Variants in SH3BGR observed in about 807,000 individuals in gnomAD.
SH3BGR encodes the protein SH3 domain-binding glutamic acid-rich protein.
A neutral mutation model predicts 24.5 loss-of-function variants in SH3BGR; 29 were observed. The ratio of observed to expected loss-of-function variants is 1.18; its 90% CI spans 0.88 to 1.61. The LOEUF (loss-of-function observed/expected upper bound fraction) is 1.61. SH3BGR is among the 40% of genes most tolerant of loss of function. The probability of loss-of-function intolerance (pLI) is 0.00; values close to 1 mark genes in which losing one functional copy is unlikely to be tolerated. For missense variants in SH3BGR, 162 were observed against 205.8 expected, an observed-to-expected ratio of 0.79 and a Z score of 1.30; for synonymous variants, 55 against 65.7, an observed-to-expected ratio of 0.84 and a Z score of 0.79.
At chr21:39,492,481 T>TATATATATATACACAC (rs1310495973) in intron 3 of SH3BGR, among the ~76,000 whole-genome samples, 3 of 81,548 alleles carry the variant, frequency 3.7e-5, no homozygotes, top group African/African-American at 9.0e-5. Context: ...TATATATATA[T>TATATATATATACACAC]ACACACACAC....
chr21:39,477,838 A>T (rs1324403265), intron 3 of SH3BGR, among the ~76,000 whole-genome samples: 1 of 152,228 alleles, frequency 6.6e-6, no homozygotes, highest in Non-Finnish European at 1.5e-5. Context: ...AACTGAATGT[A>T]TATTTTTTCA....
chr21:39,476,381 G>A lies in SH3BGR; in HGVS notation c.312+1166G>A, dbSNP rs191265207. ...AGAGGCCATGACAGAAGTAGTTTCT[G>A]AGGAGAGGTGGAAGCAGATGTATGT... On this transcript the variant is annotated intron_variant, in intron 3 of 6. Coordinates refer to ENST00000333634, the MANE Select transcript of SH3BGR (RefSeq NM_007341.3). Among the ~76,000 whole-genome samples, 771 of 152,288 alleles carry A rather than the reference G, an allele frequency of 5.1e-3. 31 individuals are homozygous for A. Among genetic ancestry groups the A allele is most frequent in the Non-Finnish European group, 1.0e-3 (70 of 68,026 alleles).
At chr21:39,468,964 A>T (rs1385299828) in intron 2 of SH3BGR, among the ~76,000 whole-genome samples, 1 of 148,686 alleles carries the variant, frequency 6.7e-6, no homozygotes, top group Non-Finnish European at 1.5e-5. Flanking sequence ...CTACTTTTTC[A>T]TAAGTTGGTT....
chr21:39,496,206 A>C (rs2123483692), intron 3 of SH3BGR, among the ~76,000 whole-genome samples: 1 of 152,306 alleles, frequency 6.6e-6, no homozygotes, highest in African/African-American at 2.4e-5. Flanking sequence ...AAAATTTAAA[A>C]TTATCTTTAT....
chr21:39,489,750 A>G (rs7280971), intron 3 of SH3BGR, among the ~76,000 whole-genome samples: 84,999 of 152,144 alleles, frequency 0.56, 24,135 homozygotes, highest in East Asian at 0.68. Context: ...ATAGTATGCC[A>G]GGGCTACATT....
chr21:39,456,679 C>T (rs745390393), intron 1 of SH3BGR, among the ~76,000 whole-genome samples: 17 of 152,138 alleles, frequency 1.1e-4, no homozygotes, highest in Non-Finnish European at 1.3e-4. Context: ...GTGGGGAGCA[C>T]GCACCTCCTC....
At position 39,499,769 on chromosome 21, in the gene SH3BGR, T is replaced by C. The variant is rs2078461914; in HGVS notation, c.313-54T>C. 6 of 1,366,910 alleles carry C rather than the reference T, an allele frequency of 4.4e-6. No homozygotes were observed. The Admixed American group carries it at 1.2e-4, about 27-fold the overall frequency. The allele number at this position is 1,366,910 out of a possible 1,614,324, so 84.7% of individuals were successfully genotyped here. Reference sequence around the variant, plus strand: ...AGCCACAGCATATGTGGCCTGTTTTTTTTTTTCTTTTTTCTGTTTTTGAGC... The same window carrying C: ...AGCCACAGCATATGTGGCCTGTTTTCTTTTTTCTTTTTTCTGTTTTTGAGC... On this transcript the variant is annotated intron_variant, in intron 3 of 6. Coordinates refer to ENST00000333634, the MANE Select transcript of SH3BGR (RefSeq NM_007341.3).
chr21:39,460,644 A>G (rs2077739958), intron 1 of SH3BGR, among the ~76,000 whole-genome samples: 1 of 151,928 alleles, frequency 6.6e-6, no homozygotes, highest in Non-Finnish European at 1.5e-5. Flanking sequence ...TAATTTTTGT[A>G]TGTTTAGTAG....
chr21:39,494,953 A>AT (rs2078368380), intron 3 of SH3BGR, among the ~76,000 whole-genome samples: 1 of 151,650 alleles, frequency 6.6e-6, no homozygotes, highest in African/African-American at 2.4e-5. Flanking sequence ...AAGTTCACTT[A>AT]TTTTTGTATT....
intron 1 of SH3BGR, among the ~76,000 whole-genome samples, chr21:39,459,362 C>T (rs2077717420): frequency 1.3e-5 from 2 of 151,930 alleles, no homozygotes; most frequent in South Asian, 4.2e-4. Context: ...GTAGCTTGCA[C>T]TACAGGTGCG....
chr21:39,495,116 C>T (rs2078370992), intron 3 of SH3BGR, among the ~76,000 whole-genome samples: 1 of 60,336 alleles, frequency 1.7e-5, no homozygotes, highest in Admixed American at 2.3e-4. Context: ...TTTGCCTTTA[C>T]ATCTTTGAGA....
At position 39,512,055 on chromosome 21, in the gene SH3BGR, T is replaced by G. The variant is rs190758576; in HGVS notation, c.*34+246T>G. 8.0e-3 allele frequency among the ~76,000 whole-genome samples: 1,219 copies of G among 152,300 alleles called. 3 individuals are homozygous for G. The highest frequency in any genetic ancestry group is 0.012 in the Non-Finnish European group (844 of 68,030). On this transcript the variant is annotated intron_variant, in intron 6 of 6. Coordinates refer to ENST00000333634, the MANE Select transcript of SH3BGR (RefSeq NM_007341.3). ...AGAAGGCTATGGTTGATGGGATTTC[T>G]AGGAAAAAGTGCACCTTTGATGCAG...
At chr21:39,508,912 T>G in intron 4 of SH3BGR, 86 bp from the exon 5 acceptor site, 1 of 1,007,232 alleles carries the variant, frequency 9.9e-7, no homozygotes, top group Non-Finnish European at 1.5e-6. Context: ...AGCTTGTATT[T>G]TATTATAGTT....
chr21:39,461,950 GTGA>G (rs2077762259), intron 1 of SH3BGR, among the ~76,000 whole-genome samples: 2 of 152,136 alleles, frequency 1.3e-5, no homozygotes, highest in Non-Finnish European at 2.9e-5. Flanking sequence ...CCAGGCTCAA[GTGA>G]TTCTCCTGCC....
intron 3 of SH3BGR, among the ~76,000 whole-genome samples, chr21:39,481,030 C>G (rs1460215074): frequency 6.6e-6 from 1 of 152,236 alleles, no homozygotes; most frequent in Non-Finnish European, 1.5e-5. Context: ...TTTGGTATCT[C>G]TCTTTCCACA....
At chr21:39,513,959 T>TTA (rs1316710096) in intron 6 of SH3BGR, among the ~76,000 whole-genome samples, 1 of 152,110 alleles carries the variant, frequency 6.6e-6, no homozygotes, top group African/African-American at 2.4e-5. Flanking sequence ...GATGGCTTCT[T>TTA]TATAGGCCAT....
At chr21:39,487,709 T>C (rs1440020785) in intron 3 of SH3BGR, among the ~76,000 whole-genome samples, 1 of 152,228 alleles carries the variant, frequency 6.6e-6, no homozygotes, top group East Asian at 1.9e-4. Context: ...ATAATATATC[T>C]GGATCATGTA....
At chr21:39,474,035 AC>A (rs1479787064) in intron 2 of SH3BGR, among the ~76,000 whole-genome samples, 1 of 152,120 alleles carries the variant, frequency 6.6e-6, no homozygotes, top group Non-Finnish European at 1.5e-5. Context: ...TGGCACAATC[AC>A]AGCTCACTGC....
intron 3 of SH3BGR, among the ~76,000 whole-genome samples, chr21:39,479,630 T>G (rs2837043): frequency 0.43 from 65,085 of 151,994 alleles, 16,879 homozygotes; most frequent in East Asian, 0.68. Context: ...GGTTGCCTAC[T>G]TCAGCTGGCC....
Sources: allele counts gnomAD v4.1 joint callset (sites outside exome capture counted in the v4.1 genomes callset), GRCh38; gene constraint gnomAD v4.1.1; transcripts MANE v1.5; gene names NCBI Gene and HGNC (gene_info 2026-07-23, HGNC 2026-07-21).